Variants in APLF observed in about 807,000 individuals in gnomAD.
APLF encodes aprataxin and PNK-like factor.
In APLF, 61 loss-of-function variants were observed where a neutral mutation model predicts 55.6. The observed-to-expected ratio is 1.10, with a 90% confidence interval of 0.89 to 1.36. The LOEUF is 1.36. Among genes scored for constraint, APLF ranks in the 40% most tolerant of loss-of-function variants. The probability of loss-of-function intolerance (pLI) is 0.00; values close to 1 mark genes in which losing one functional copy is unlikely to be tolerated. For missense variants in APLF, 611 were observed against 602.5 expected (o/e 1.01, Z -0.15); for synonymous variants, 207 against 214.8 (o/e 0.96, Z 0.32).
At position 68,537,778 on chromosome 2, in the gene APLF, A is replaced by G. The variant is rs1167617782; in HGVS notation, c.805-94A>G. On this transcript the variant is annotated intron_variant, in intron 6 of 9. Coordinates refer to ENST00000303795, the MANE Select transcript of APLF (RefSeq NM_173545.3). The stretch of plus-strand genomic sequence containing the variant: ...GTGAATCTTGAAGTTTTAAGTTTAC[A>G]TTTTGCATGGATCTTGTAGTTTTGT... 7.8e-6 allele frequency: 7 copies of G among 902,532 alleles called. 1 individual carries two copies. The highest frequency in any genetic ancestry group is 1.1e-5 in the Non-Finnish European group (7 of 611,802). 55.9% of individuals were successfully genotyped at this position (902,532 alleles called of 1,614,324 possible).
At chr2:68,559,245 A>G (rs1036179983) in intron 8 of APLF, among the ~76,000 whole-genome samples, 2 of 152,098 alleles carry the variant, frequency 1.3e-5, no homozygotes, top group Admixed American at 6.6e-5. Flanking sequence ...CAGTGTCTTC[A>G]TATTCATAAA....
At chr2:68,511,919 G>T in intron 3 of APLF, among the ~76,000 whole-genome samples, 1 of 151,686 alleles carries the variant, frequency 6.6e-6, no homozygotes, top group East Asian at 1.9e-4. Flanking sequence ...ATTGAAGGCT[G>T]CCTTTGAAGG....
chr2:68,554,679 C>T (rs570732623), intron 8 of APLF, among the ~76,000 whole-genome samples: 2 of 148,134 alleles, frequency 1.4e-5, no homozygotes, highest in Non-Finnish European at 1.5e-5. Context: ...GGGTTGAGTT[C>T]TTGATTTGAT....
At chr2:68,488,826 CTGT>C (rs1289474961) in intron 1 of APLF, among the ~76,000 whole-genome samples, 2 of 152,084 alleles carry the variant, frequency 1.3e-5, no homozygotes, top group East Asian at 3.8e-4. Context: ...CAGATAACTG[CTGT>C]TGTTTTTAGC....
In APLF at chr2:68,483,444, A is replaced by G. The variant is rs557487954; in HGVS notation, c.97-6746A>G. ...TTTTCATCCTGCTTTTGTGCTCCAC[A>G]GGGATCTTGCCACTCTCTTGCTGCA... On this transcript the variant is annotated intron_variant, in intron 1 of 9. Coordinates refer to ENST00000303795, the MANE Select transcript of APLF (RefSeq NM_173545.3). Among the ~76,000 whole-genome samples the G allele has an allele frequency of 7.0e-4, 107 of 152,306 alleles. 1 individual carries two copies. In the South Asian group the frequency reaches 0.021, roughly 30 times the overall value.
Position 68,578,635 on chromosome 2 carries a change from A to G in APLF, c.*613A>G, listed in dbSNP as rs1019991402. On this transcript the variant is annotated 3_prime_UTR_variant, in exon 10 of 10. Transcript: ENST00000303795. ...AAGAGAAATGTTCACCATGTAGGGA[A>G]TGTTATTTTGTGTTCCACATCTGCA... The G allele has an allele frequency of 3.0e-6, 3 of 985,248 alleles. No individual in the cohort carries two copies. The highest frequency in any genetic ancestry group is 3.6e-6 in the Non-Finnish European group (3 of 829,890). The allele number at this position is 985,248 out of a possible 1,614,324, so 61.0% of individuals were successfully genotyped here. A position where few individuals can be genotyped will look rare whatever the true frequency, so the allele number is the denominator to read the frequency against.
chr2:68,518,080 T>C (rs1291109637), intron 5 of APLF, among the ~76,000 whole-genome samples: 3 of 133,202 alleles, frequency 2.3e-5, no homozygotes, highest in African/African-American at 5.5e-5. Flanking sequence ...CATTAGTATA[T>C]AATATTAATA....
chr2:68,525,986 T>C (rs1261321147), intron 5 of APLF, 75 bp from the exon 6 acceptor site: 4 of 1,409,532 alleles, frequency 2.8e-6, no homozygotes, highest in Non-Finnish European at 3.8e-6. Context: ...TTTTTCTTTT[T>C]TCTTTTTTTG....
intron 4 of APLF, 137 bp from the exon 5 acceptor site, chr2:68,513,407 ATTTC>A: frequency 8.0e-7 from 1 of 1,247,370 alleles, no homozygotes; most frequent in South Asian, 1.5e-5. Flanking sequence ...AATAGAAATA[ATTTC>A]TTTGTTCAAG....
rs780964583 is a variant in APLF, at chr2:68,502,784, A to G, written c.222A>G (p.Pro74=). ...YQSSEKSQLL[P]LKPNLWCYLN... is the part of the protein sequence containing the mutation. ...CTTCAGAGAAGAGTCAGCTCTTACC[A>G]TTGAAGCCAAATCTATGGTGCTATT... The change falls in exon 3 of 10, where the codon CCA becomes CCG. Residue 74 remains proline (P), a synonymous_variant. Coordinates refer to ENST00000303795, the MANE Select transcript of APLF (RefSeq NM_173545.3). The G allele has an allele frequency of 1.1e-5, 18 of 1,604,932 alleles. No homozygotes were observed. The highest frequency in any genetic ancestry group is 2.2e-5 in the South Asian group (2 of 89,154).
intron 9 of APLF, among the ~76,000 whole-genome samples, chr2:68,576,275 C>T (rs557397847): frequency 6.6e-6 from 1 of 152,160 alleles, no homozygotes; most frequent in African/African-American, 2.4e-5. Context: ...TTCCCTTTCC[C>T]GACTGCAAAC....
At chr2:68,543,037 C>T (rs1573242552) in intron 7 of APLF, among the ~76,000 whole-genome samples, 1 of 152,066 alleles carries the variant, frequency 6.6e-6, no homozygotes, top group African/African-American at 2.4e-5. Flanking sequence ...GTGAAATAAA[C>T]CAGTCACAAA....
chr2:68,517,950 C>T (rs1273330279), intron 5 of APLF, among the ~76,000 whole-genome samples: 1 of 141,222 alleles, frequency 7.1e-6, no homozygotes, highest in East Asian at 2.1e-4. Context: ...CGTAATATAT[C>T]ACTAATATGT....
In APLF at chr2:68,531,100, C is replaced by T. The variant is rs569355523; in HGVS notation, c.804+4858C>T. 3.3e-5 allele frequency among the ~76,000 whole-genome samples: 5 copies of T among 152,292 alleles called. No individual in the cohort carries two copies. In the East Asian group the frequency reaches 9.6e-4, roughly 29 times the overall value. ...TTCTGGGCTGACAGTATTTCTAGAC[C>T]TTCTTTCCTCTTTCAATTTTTGCTA... is the stretch of plus-strand genomic sequence containing the variant. On this transcript the variant is annotated intron_variant, in intron 6 of 9. Coordinates refer to ENST00000303795, the MANE Select transcript of APLF (RefSeq NM_173545.3).
At chr2:68,484,607 G>T (rs2103896146) in intron 1 of APLF, among the ~76,000 whole-genome samples, 1 of 151,718 alleles carries the variant, frequency 6.6e-6, no homozygotes, top group South Asian at 2.1e-4. Flanking sequence ...CAGGAGAATA[G>T]CTTGAACCTG....
rs1671713979 is a variant in APLF at position 68,579,462 on chromosome 2, A to G, written c.*1440A>G. The G allele has an allele frequency of 1.1e-6, 1 of 886,120 alleles. No individual in the cohort carries two copies. The highest frequency in any genetic ancestry group is 6.2e-5 in the Admixed American group (1 of 16,118). The allele number at this position is 886,120 out of a possible 1,614,324, so 54.9% of individuals were successfully genotyped here. Reference sequence around the variant, plus strand: ...CCTAGGTATATACCCAGAGGAATTGAAAACATTTCCACATAAAAACTGTAC... The same window carrying G: ...CCTAGGTATATACCCAGAGGAATTGGAAACATTTCCACATAAAAACTGTAC... On this transcript the variant is annotated 3_prime_UTR_variant, in exon 10 of 10. Transcript: ENST00000303795.
chr2:68,494,444 AAGC>A (rs1676474738), intron 2 of APLF, among the ~76,000 whole-genome samples: 2 of 152,166 alleles, frequency 1.3e-5, no homozygotes, highest in African/African-American at 4.8e-5. Context: ...CACATGTTGA[AAGC>A]AGGAGCAAGG....
intron 6 of APLF, among the ~76,000 whole-genome samples, chr2:68,532,704 A>G (rs1284578086): frequency 6.6e-6 from 1 of 151,908 alleles, no homozygotes; most frequent in Non-Finnish European, 1.5e-5. Flanking sequence ...TCTTTCTACA[A>G]CTCCTTCCCA....
rs1338999955 is a variant in APLF, at chr2:68,513,538, G to A, written c.490-10G>A. 3 of 1,607,460 alleles carry A rather than the reference G, an allele frequency of 1.9e-6. No homozygotes were observed. The South Asian group carries it at 3.3e-5, about 18-fold the overall frequency. On this transcript the variant is annotated splice_polypyrimidine_tract_variant and intron_variant, in intron 4 of 9. Coordinates refer to ENST00000303795, the MANE Select transcript of APLF (RefSeq NM_173545.3). ...TGATTATTTTTAGTAATTTATAGGT[G>A]TCTTTTTAGTCTTTCCTAGGTGAAA...
Sources: allele counts gnomAD v4.1 joint callset (sites outside exome capture counted in the v4.1 genomes callset), GRCh38; gene constraint gnomAD v4.1.1; transcripts MANE v1.5; gene names NCBI Gene and HGNC (gene_info 2026-07-23, HGNC 2026-07-21).